CRNKL1: variants seen among roughly 807,000 people sequenced by gnomAD.
CRNKL1 encodes the protein crooked neck pre-mRNA splicing factor 1, also known as crooked neck-like protein 1.
CRNKL1 carries 35 observed loss-of-function variants against 103.7 expected under a neutral mutation model. The ratio of observed to expected loss-of-function variants is 0.34; its 90% CI spans 0.26 to 0.45. The LOEUF is 0.45. Ranked by LOEUF, CRNKL1 falls within the 20% of genes least tolerant of loss-of-function variation. The pLI, the probability that CRNKL1 is intolerant of heterozygous loss-of-function variation, is 1.00. For missense variants in CRNKL1, 645 were observed against 836.0 expected, an observed-to-expected ratio of 0.77 and a Z score of 2.82; for synonymous variants, 267 against 282.6, an observed-to-expected ratio of 0.94 and a Z score of 0.55.
Position 20,034,602 on chromosome 20 carries a change from A to AT in CRNKL1, c.*1592dup, listed in dbSNP as rs752738811. ...TAAGTCACTTGCATTCTGACCTATT[A>AT]TTTTCATCTCTCCCTGACTCTGGGT... is the stretch of plus-strand genomic sequence containing the variant. On this transcript the variant is annotated 3_prime_UTR_variant, in exon 14 of 14. Transcript: ENST00000536226. The AT allele has an allele frequency of 1.3e-5, 2 of 152,038 alleles. No homozygotes were observed. The highest frequency in any genetic ancestry group is 4.1e-4 in the South Asian group (2 of 4,828). 9.4% of individuals were successfully genotyped at this position (152,038 alleles called of 1,614,324 possible).
intron 1 of CRNKL1, 59 bp downstream of exon 1, chr20:20,052,233 G>T: frequency 1.4e-6 from 2 of 1,465,852 alleles, no homozygotes; most frequent in Non-Finnish European, 1.9e-6. Context: ...GGCACCCTCA[G>T]GGCTGAGGGA....
Position 20,049,367 on chromosome 20 carries a change from C to G in CRNKL1, c.269G>C (p.Trp90Ser), listed in dbSNP as rs1330998707. 1 of 1,599,802 alleles carries G rather than the reference C, an allele frequency of 6.3e-7. No individual in the cohort carries two copies. The change falls in exon 3 of 14, where the codon TGG becomes TCG. Residue 90 changes from tryptophan to serine, a missense_variant. Physicochemically the swap from Trp to Ser is radical, Grantham distance 177 (BLOSUM62 -3). Transcript: ENST00000536226. ...VISNWIKYAQ[W>S]EESLKEIQRA... ...TTGAATCTCCTTTAGGCTTTCTTCC[C>G]ATTGTGCGTATTTTATCCAGTTACT...
At position 20,036,104 on chromosome 20, in the gene CRNKL1, C is replaced by T; in HGVS notation, c.*91G>A. The T allele has an allele frequency of 7.8e-7, 1 of 1,275,020 alleles. No individual in the cohort carries two copies. The highest frequency in any genetic ancestry group is 1.1e-6 in the Non-Finnish European group (1 of 928,952). The allele number at this position is 1,275,020 out of a possible 1,614,324, so 79.0% of individuals were successfully genotyped here. A position where few individuals can be genotyped will look rare whatever the true frequency, so the allele number is the denominator to read the frequency against. On this transcript the variant is annotated 3_prime_UTR_variant, in exon 14 of 14. Transcript: ENST00000536226. ...ATCAAAGATACCAATCAATTTCTTACTGGTGAAATATATAAGAACTTCCAG... is the reference window on the plus strand; with the variant it reads ...ATCAAAGATACCAATCAATTTCTTATTGGTGAAATATATAAGAACTTCCAG...
At chr20:20,051,270 A>AT (rs1334652311) in intron 1 of CRNKL1, among the ~76,000 whole-genome samples, 7 of 152,338 alleles carry the variant, frequency 4.6e-5, no homozygotes, top group Non-Finnish European at 7.4e-5. Context: ...ACCTCATTAC[A>AT]TTTTTTATAC....
chr20:20,053,468 C>T (rs1165847910), upstream of CRNKL1, among the ~76,000 whole-genome samples: 2 of 152,200 alleles, frequency 1.3e-5, no homozygotes, highest in Non-Finnish European at 1.5e-5. Flanking sequence ...TTAGGGTTCA[C>T]TCTTGGTGTA....
chr20:20,050,762 C>T, intron 1 of CRNKL1, 140 bp from the exon 2 acceptor site: 1 of 647,118 alleles, frequency 1.5e-6, no homozygotes, highest in Non-Finnish European at 2.4e-6. Context: ...TCCCATTCCT[C>T]CATGAGACTG....
At chr20:20,050,741 G>A (rs2043686436) in intron 1 of CRNKL1, 119 bp from the exon 2 acceptor site, 4 of 795,680 alleles carry the variant, frequency 5.0e-6, no homozygotes, top group African/African-American at 3.5e-5. Flanking sequence ...TGCCCTTTTT[G>A]TATGACATGT....
chr20:20,052,620 A>G, upstream of CRNKL1: 3 of 1,613,700 alleles, frequency 1.9e-6, no homozygotes, highest in Non-Finnish European at 2.5e-6. Flanking sequence ...ACTAGCAGCG[A>G]CGCAAGGACT....
upstream of CRNKL1, chr20:20,052,645 C>T (rs1033146736): frequency 1.2e-6 from 2 of 1,613,386 alleles, no homozygotes; most frequent in Non-Finnish European, 8.5e-7. Context: ...TGCAGGGCGT[C>T]CAGGGCGCAT....
At chr20:20,054,468 A>G (rs1039709236), upstream of CRNKL1, among the ~76,000 whole-genome samples, 2 of 152,154 alleles carry the variant, frequency 1.3e-5, no homozygotes, top group Admixed American at 1.3e-4. Context: ...TAAACTTTAT[A>G]TGTAGTTTAC....
chr20:20,037,456 TC>T lies in CRNKL1; in HGVS notation c.1762del (p.Glu588LysfsTer26). The T allele has an allele frequency of 6.2e-7, 1 of 1,614,192 alleles. No homozygotes were observed. The highest frequency in any genetic ancestry group is 1.3e-5 in the African/African-American group (1 of 75,056). On this transcript the variant is annotated frameshift_variant, in exon 13 of 14. Transcript: ENST00000536226. LOFTEE classifies it high-confidence loss of function. The stretch of plus-strand genomic sequence containing the variant: ...AGATTCCAGCAGCATAAGTCTCTCT[TC>T]CTTTTCTTCACAGTTTCGCATGGTT... ...NKTMRNCEEK[E>X]ERLMLLESWR...
intron 11 of CRNKL1, among the ~76,000 whole-genome samples, chr20:20,039,325 C>T (rs1320808310): frequency 2.0e-5 from 3 of 152,170 alleles, no homozygotes; most frequent in Non-Finnish European, 4.4e-5. Flanking sequence ...TCTTCCCCAG[C>T]CCCTTTAGGC....
Position 20,039,670 on chromosome 20 carries a change from A to G in CRNKL1, c.1484T>C (p.Ile495Thr), listed in dbSNP as rs149517251. 1.1e-4 allele frequency: 184 copies of G among 1,614,068 alleles called. No homozygotes were observed. The highest frequency in any genetic ancestry group is 1.5e-4 in the South Asian group (14 of 91,080). Residue 495 changes from isoleucine (I) to threonine (T), a missense_variant, in exon 11 of 14, where the codon ATT becomes ACT. By Grantham distance (89) the Ile-to-Thr change is moderately conservative. Coordinates refer to ENST00000536226, the MANE Select transcript of CRNKL1 (RefSeq NM_001278628.2). The part of the protein sequence containing the change: ...FAELETILGD[I>T]DRARAIYELA... ...TTCATAGATTGCCCGTGCTCTGTCAATATCACCAAGGATTGTCTCTAATTC... is the reference window on the plus strand; with the variant it reads ...TTCATAGATTGCCCGTGCTCTGTCAGTATCACCAAGGATTGTCTCTAATTC...
At chr20:20,038,628 T>G in intron 11 of CRNKL1, 178 bp from the exon 12 acceptor site, 1 of 458,812 alleles carries the variant, frequency 2.2e-6, no homozygotes, top group Non-Finnish European at 3.8e-6. Flanking sequence ...TGGCCAAAAC[T>G]TGGCTAGAAT....
At chr20:20,037,294 G>A (rs777541355) in intron 13 of CRNKL1, 29 bp downstream of exon 13, 2 of 1,602,788 alleles carry the variant, frequency 1.2e-6, no homozygotes, top group South Asian at 1.1e-5. Flanking sequence ...TGTGACGTGA[G>A]ATGAACAGTC....
chr20:20,036,320 C>T lies in CRNKL1; in HGVS notation c.1939G>A (p.Glu647Lys), dbSNP rs778686416. 3.1e-6 allele frequency: 5 copies of T among 1,614,170 alleles called. No individual in the cohort carries two copies. The highest frequency in any genetic ancestry group is 4.2e-6 in the Non-Finnish European group (5 of 1,180,022). Residue 647 changes from glutamate to lysine, a missense_variant, in exon 14 of 14, where the codon GAA (glutamate) becomes AAA (lysine). By Grantham distance (56) the Glu-to-Lys change is moderately conservative (BLOSUM62 1). This residue lies in a region of CRNKL1 where 582 missense variants were observed against 707.7 expected (regional missense o/e 0.82). Transcript: ENST00000536226. ...AGGTTAGGTTGGTTGGCAGCATCTT[C>T]TGGAAAGATGTAATCAAAGTATTCT... ...WEEYFDYIFP[E>K]DAANQPNLKL...
Position 20,043,506 on chromosome 20 carries a change from C to T in CRNKL1, c.958G>A (p.Glu320Lys), listed in dbSNP as rs747114057. ...CCAGTGCTCACCTTCACTTCTTCTTCGTACTGGAATCTCCGTTTGCTCACA... is the reference window on the plus strand; with the variant it reads ...CCAGTGCTCACCTTCACTTCTTCTTTGTACTGGAATCTCCGTTTGCTCACA... Reference protein sequence around the residue: ...IIVSKRRFQYEEEVKANPHNY... With the variant: ...IIVSKRRFQYKEEVKANPHNY... Residue 320 changes from glutamate (E) to lysine (K), a missense_variant, in exon 7 of 14, where the codon GAA (glutamate) becomes AAA (lysine). Transcript: ENST00000536226. The T allele has an allele frequency of 3.1e-6, 5 of 1,613,446 alleles. No individual in the cohort carries two copies. The African/African-American group carries it at 4.0e-5, about 13-fold the overall frequency.
At chr20:20,045,971 A>G (rs1053925434) in intron 5 of CRNKL1, among the ~76,000 whole-genome samples, 4 of 152,360 alleles carry the variant, frequency 2.6e-5, no homozygotes, top group Non-Finnish European at 5.9e-5. Context: ...AATAGCACCA[A>G]TTATATTAAA....
intron 10 of CRNKL1, among the ~76,000 whole-genome samples, chr20:20,040,412 T>C (rs1341799924): frequency 6.6e-6 from 1 of 152,094 alleles, no homozygotes; most frequent in East Asian, 1.9e-4. Context: ...ATCAGATTAC[T>C]AATTCCAGTC....
Sources: gnomAD v4.1 joint callset for allele counts (sites outside exome capture counted in the v4.1 genomes callset) on GRCh38, gnomAD v4.1.1 for gene constraint, gnomAD v4.1.1 regional missense constraint, MANE v1.5 for transcripts, NCBI Gene and HGNC (gene_info 2026-07-23, HGNC 2026-07-21) for gene names.